Variants in CNTNAP2 observed in about 807,000 individuals in gnomAD.
The protein encoded by CNTNAP2 is contactin associated protein 2, also known as contactin-associated protein-like 2.
CNTNAP2 carries 98 observed loss-of-function variants against 155.2 expected under a neutral mutation model. The ratio of observed to expected loss-of-function variants is 0.63; its 90% CI spans 0.54 to 0.75. The LOEUF (loss-of-function observed/expected upper bound fraction) is 0.75. CNTNAP2 is among the 30% of genes least tolerant of loss of function. The probability of loss-of-function intolerance (pLI) is 0.00; values close to 1 mark genes in which losing one functional copy is unlikely to be tolerated. For synonymous variants in CNTNAP2, 651 were observed against 631.2 expected (o/e 1.03, Z -0.47); for missense variants, 1,727 against 1,688.1 (o/e 1.02, Z -0.40).
At chr7:147,133,739 A>G (rs540222685) in intron 8 of CNTNAP2, among the ~76,000 whole-genome samples, 2 of 152,164 alleles carry the variant, frequency 1.3e-5, no homozygotes. Flanking sequence ...GCCTGAATGT[A>G]TGGTCTATTA....
At chr7:147,230,501 A>C (rs1187465675) in intron 8 of CNTNAP2, among the ~76,000 whole-genome samples, 3 of 152,130 alleles carry the variant, frequency 2.0e-5, no homozygotes, top group African/African-American at 7.2e-5. Context: ...CGTCCATGTC[A>C]GCCTCTGAAA....
intron 9 of CNTNAP2, among the ~76,000 whole-genome samples, chr7:147,363,141 G>T (rs1310711665): frequency 6.6e-6 from 1 of 151,828 alleles, no homozygotes; most frequent in Non-Finnish European, 1.5e-5. Flanking sequence ...AAGGAAATTA[G>T]ATTCAGATGA....
chr7:146,256,380 G>C (rs939834136), intron 1 of CNTNAP2, among the ~76,000 whole-genome samples: 1 of 152,066 alleles, frequency 6.6e-6, no homozygotes, highest in Non-Finnish European at 1.5e-5. Context: ...CTAAATTTAT[G>C]TAAGGTCCAT....
At chr7:147,611,309 T>A (rs761631835) in intron 12 of CNTNAP2, among the ~76,000 whole-genome samples, 1 of 152,112 alleles carries the variant, frequency 6.6e-6, no homozygotes, top group Non-Finnish European at 1.5e-5. Flanking sequence ...GTTAGAAGAC[T>A]CCTTATTGCC....
At chr7:146,335,351 A>G (rs988937520) in intron 1 of CNTNAP2, among the ~76,000 whole-genome samples, 6 of 152,220 alleles carry the variant, frequency 3.9e-5, no homozygotes, top group African/African-American at 1.4e-4. Flanking sequence ...TAATTTTAAA[A>G]AAGAGCTACT....
intron 14 of CNTNAP2, among the ~76,000 whole-genome samples, chr7:147,923,939 G>T (rs1368758634): frequency 2.0e-5 from 3 of 152,148 alleles, no homozygotes; most frequent in Non-Finnish European, 4.4e-5. Flanking sequence ...CACCCAGTTT[G>T]TGGCATTTTG....
rs771225636 is a variant in CNTNAP2, at chr7:147,562,131, G to C, written c.1778-7G>C. Reference sequence around the variant, plus strand: ...TGTGCTTATGTAGGATATTTTGTTTGTTCTAGCTATCTACGAGCCTTCCTG... The same window carrying C: ...TGTGCTTATGTAGGATATTTTGTTTCTTCTAGCTATCTACGAGCCTTCCTG... On this transcript the variant is annotated splice_region_variant and splice_polypyrimidine_tract_variant and intron_variant, in intron 11 of 23. Coordinates refer to ENST00000361727, the MANE Select transcript of CNTNAP2 (RefSeq NM_014141.6). The C allele has an allele frequency of 6.2e-7, 1 of 1,613,872 alleles. No individual in the cohort carries two copies. Among genetic ancestry groups the C allele is most frequent in the African/African-American group, 1.3e-5 (1 of 75,044 alleles).
chr7:147,938,909 A>C (rs893454852), intron 14 of CNTNAP2, among the ~76,000 whole-genome samples: 2 of 152,214 alleles, frequency 1.3e-5, no homozygotes, highest in African/African-American at 4.8e-5. Context: ...GCTACTCATC[A>C]CAGAGTCCTT....
At chr7:146,909,182 G>T (rs1045352143) in intron 3 of CNTNAP2, among the ~76,000 whole-genome samples, 2 of 151,642 alleles carry the variant, frequency 1.3e-5, no homozygotes, top group African/African-American at 4.8e-5. Flanking sequence ...ACCAAAAAGA[G>T]TCTAGGACCA....
At chr7:147,105,927 A>G (rs905391591) in intron 4 of CNTNAP2, among the ~76,000 whole-genome samples, 4 of 151,900 alleles carry the variant, frequency 2.6e-5, no homozygotes, top group African/African-American at 9.7e-5. Context: ...ATATCTTAGG[A>G]TTGTCTGAAA....
intron 12 of CNTNAP2, among the ~76,000 whole-genome samples, chr7:147,599,553 T>G (rs1800904140): frequency 6.6e-6 from 1 of 151,696 alleles, no homozygotes; most frequent in Non-Finnish European, 1.5e-5. Context: ...CTCTCATAGT[T>G]CTGGGGAGCC....
intron 13 of CNTNAP2, among the ~76,000 whole-genome samples, chr7:147,668,572 G>A (rs1026294080): frequency 6.6e-6 from 1 of 152,074 alleles, no homozygotes; most frequent in Non-Finnish European, 1.5e-5. Flanking sequence ...GCTACTGTGT[G>A]TGTTTGGGTC....
chr7:147,526,191 CAA>C (rs200655145), intron 11 of CNTNAP2, among the ~76,000 whole-genome samples: 20 of 63,738 alleles, frequency 3.1e-4, no homozygotes, highest in Admixed American at 7.2e-4. Context: ...GACTCCATCT[CAA>C]AAAAAAAAAA....
chr7:148,312,247 C>T (rs1797608754), intron 21 of CNTNAP2, among the ~76,000 whole-genome samples: 1 of 152,114 alleles, frequency 6.6e-6, no homozygotes, highest in Admixed American at 6.5e-5. Context: ...CTAACCATGC[C>T]TAGGAAGGAA....
intron 15 of CNTNAP2, among the ~76,000 whole-genome samples, chr7:148,101,350 A>G (rs1364317788): frequency 6.9e-6 from 1 of 144,358 alleles, no homozygotes; most frequent in Non-Finnish European, 1.5e-5. Context: ...TAAAAAGTTC[A>G]GTGTGTGTGT....
intron 12 of CNTNAP2, among the ~76,000 whole-genome samples, chr7:147,601,644 A>AATAT (rs1160603745): frequency 1.0e-3 from 90 of 87,434 alleles, no homozygotes; most frequent in African/African-American, 1.5e-3. Flanking sequence ...CTTAAAAAAA[A>AATAT]ATATATATAT....
At chr7:147,772,140 A>G (rs1289709868) in intron 13 of CNTNAP2, among the ~76,000 whole-genome samples, 1 of 151,878 alleles carries the variant, frequency 6.6e-6, no homozygotes, top group Admixed American at 6.6e-5. Context: ...AATATCTTGT[A>G]ATTGGCCAGG....
At chr7:147,176,139 C>T (rs75204362) in intron 8 of CNTNAP2, among the ~76,000 whole-genome samples, 4,177 of 152,196 alleles carry the variant, frequency 0.027, 98 homozygotes, top group Middle Eastern at 0.048. Context: ...GGTAATGATT[C>T]GGTTTAATGA....
intron 1 of CNTNAP2, among the ~76,000 whole-genome samples, chr7:146,756,984 A>C (rs1430339929): frequency 6.6e-6 from 1 of 152,134 alleles, no homozygotes; most frequent in Non-Finnish European, 1.5e-5. Flanking sequence ...CAGAATTGTA[A>C]AATGTGATCA....
Sources: gnomAD v4.1 joint callset for allele counts (sites outside exome capture counted in the v4.1 genomes callset) on GRCh38, gnomAD v4.1.1 for gene constraint, MANE v1.5 for transcripts, NCBI Gene and HGNC (gene_info 2026-07-23, HGNC 2026-07-21) for gene names.